The following NBAS variants were observed in gnomAD, a reference collection of about 807,000 sequenced individuals.
The protein encoded by NBAS is NBAS subunit of NRZ tethering complex.
NBAS carries 219 observed loss-of-function variants against 302.5 expected under a neutral mutation model. The observed-to-expected ratio is 0.72, with a 90% CI of 0.65 to 0.81. The LOEUF (loss-of-function observed/expected upper bound fraction) is 0.81. Ranked by LOEUF, NBAS falls within the 30% of genes least tolerant of loss-of-function variation. The pLI is 0.00. For missense variants in NBAS, 2,932 were observed against 2,841.6 expected (o/e 1.03, Z -0.72); for synonymous variants, 1,118 against 1,021.6 (o/e 1.09, Z -1.80).
the NBAS span, among the ~76,000 whole-genome samples, chr2:14,784,093 G>A: frequency 6.6e-6 from 1 of 152,028 alleles, no homozygotes; most frequent in South Asian, 2.1e-4. Flanking sequence ...ATTTTTTCAT[G>A]TGTTTTTTGG....
the NBAS span, among the ~76,000 whole-genome samples, chr2:15,148,038 A>G: frequency 6.6e-6 from 1 of 152,134 alleles, no homozygotes; most frequent in Admixed American, 6.5e-5. Flanking sequence ...TGCTTCTTGC[A>G]CCCCTGGTAA....
At chr2:15,284,684 A>T (rs1340330293) in intron 42 of NBAS, among the ~76,000 whole-genome samples, 1 of 152,250 alleles carries the variant, frequency 6.6e-6, no homozygotes, top group African/African-American at 2.4e-5. Context: ...TCAATAAATA[A>T]ATGTTGGGCA....
intron 21 of NBAS, among the ~76,000 whole-genome samples, chr2:15,451,785 C>T (rs989535295): frequency 6.6e-6 from 1 of 152,078 alleles, no homozygotes; most frequent in African/African-American, 2.4e-5. Context: ...TGGATACTCT[C>T]TTTATCACCA....
At chr2:15,534,255 T>C (rs1010840729) in intron 9 of NBAS, among the ~76,000 whole-genome samples, 1 of 152,190 alleles carries the variant, frequency 6.6e-6, no homozygotes, top group Non-Finnish European at 1.5e-5. Context: ...TCTTGAGTTA[T>C]GTATCATACC....
intron 3 of NBAS, among the ~76,000 whole-genome samples, chr2:15,556,245 A>C (rs917044074): frequency 1.3e-5 from 2 of 152,206 alleles, no homozygotes; most frequent in Non-Finnish European, 2.9e-5. Context: ...AAATAATTCT[A>C]TAAAACAATT....
intron 12 of NBAS, among the ~76,000 whole-genome samples, chr2:15,479,935 T>A (rs1359930875): frequency 1.3e-5 from 2 of 152,200 alleles, no homozygotes; most frequent in Admixed American, 6.5e-5. Flanking sequence ...AAATTTTAAG[T>A]CACTGAATTC....
At chr2:14,807,029 A>AACAAAAC in the NBAS span, among the ~76,000 whole-genome samples, 1 of 152,162 alleles carries the variant, frequency 6.6e-6, no homozygotes, top group African/African-American at 2.4e-5. Context: ...CTCTACAGAA[A>AACAAAAC]AAAAACAAAA....
At chr2:15,323,187 A>C (rs1671901911) in intron 38 of NBAS, among the ~76,000 whole-genome samples, 1 of 152,244 alleles carries the variant, frequency 6.6e-6, no homozygotes, top group South Asian at 2.1e-4. Flanking sequence ...TACACACACT[A>C]GGATGCAGAC....
chr2:15,455,896 A>G (rs1031145958), intron 21 of NBAS, among the ~76,000 whole-genome samples: 6 of 152,126 alleles, frequency 3.9e-5, no homozygotes, highest in Non-Finnish European at 5.9e-5. Context: ...AAAAATCTAA[A>G]TAATCTTTCT....
At chr2:14,836,462 A>G in the NBAS span, among the ~76,000 whole-genome samples, 1 of 151,880 alleles carries the variant, frequency 6.6e-6, no homozygotes, top group Non-Finnish European at 1.5e-5. Flanking sequence ...GATTTTGCAT[A>G]TATCTTGAAG....
rs1676933623 is a variant in NBAS at position 15,416,382 on chromosome 2, A to T, written c.2764-663T>A. ...AATTACACAATCGTTTCTCTTAATT[A>T]TCCCCCAAAAGATACACCTAAAGCT... is the stretch of plus-strand genomic sequence containing the variant. On this transcript the variant is annotated intron_variant, in intron 24 of 51. Coordinates refer to ENST00000281513, the MANE Select transcript of NBAS (RefSeq NM_015909.4). 2.6e-5 allele frequency among the ~76,000 whole-genome samples: 4 copies of T among 152,238 alleles called. No individual in the cohort carries two copies. The South Asian group carries it at 8.3e-4, about 31-fold the overall frequency.
chr2:14,991,552 A>G, the NBAS span, among the ~76,000 whole-genome samples: 356 of 152,318 alleles, frequency 2.3e-3, 3 homozygotes, highest in African/African-American at 8.3e-3. Context: ...GTACGTTAGA[A>G]ACACCGGGAG....
At chr2:14,920,681 T>C in the NBAS span, among the ~76,000 whole-genome samples, 390 of 152,320 alleles carry the variant, frequency 2.6e-3, 8 homozygotes, top group East Asian at 0.033. Flanking sequence ...CTTGCACTTT[T>C]ATGTTATGGT....
At chr2:15,521,175 C>G (rs1039876853) in intron 9 of NBAS, among the ~76,000 whole-genome samples, 5 of 152,124 alleles carry the variant, frequency 3.3e-5, no homozygotes, top group Admixed American at 2.6e-4. Flanking sequence ...TATGGCATTA[C>G]TATATTATTA....
chr2:15,144,999 T>A, the NBAS span, among the ~76,000 whole-genome samples: 2 of 151,320 alleles, frequency 1.3e-5, no homozygotes, highest in African/African-American at 4.9e-5. Flanking sequence ...GTTAAGCTAT[T>A]TGGTGTAGCT....
rs111782266 is a variant in NBAS, at chr2:15,351,785, G to T, written c.4179+207C>A. Among the ~76,000 whole-genome samples, 1,081 of 151,916 alleles carry T rather than the reference G, an allele frequency of 7.1e-3. 10 individuals carry two copies. The highest frequency in any genetic ancestry group is 0.022 in the African/African-American group (919 of 41,376). On this transcript the variant is annotated intron_variant, in intron 35 of 51. Coordinates refer to ENST00000281513, the MANE Select transcript of NBAS (RefSeq NM_015909.4). Reference sequence around the variant, plus strand: ...TGTTGTCTTTATGATAATTTATTGAGCTGGACATTTTTTGGTATACTTATC... The same window carrying T: ...TGTTGTCTTTATGATAATTTATTGATCTGGACATTTTTTGGTATACTTATC...
chr2:14,960,655 C>T, the NBAS span, among the ~76,000 whole-genome samples: 25 of 152,158 alleles, frequency 1.6e-4, no homozygotes, highest in Non-Finnish European at 3.2e-4. Flanking sequence ...ATAAATAAAA[C>T]ATTTATGAGT....
intron 5 of NBAS, among the ~76,000 whole-genome samples, chr2:15,552,211 C>T (rs1445369884): frequency 1.3e-5 from 2 of 152,032 alleles, no homozygotes; most frequent in Non-Finnish European, 2.9e-5. Flanking sequence ...CAGATACATA[C>T]AGATATCAAA....
chr2:15,317,414 GAAGT>G (rs1440669658), intron 38 of NBAS, among the ~76,000 whole-genome samples: 2 of 152,214 alleles, frequency 1.3e-5, no homozygotes, highest in Non-Finnish European at 2.9e-5. Context: ...CAAGTTAACA[GAAGT>G]AAGCTTCAGA....
Sources: allele counts gnomAD v4.1 joint callset (sites outside exome capture counted in the v4.1 genomes callset), GRCh38; gene constraint gnomAD v4.1.1; transcripts MANE v1.5; gene names NCBI Gene and HGNC (gene_info 2026-07-23, HGNC 2026-07-21).